The following NCOA1 variants were observed in gnomAD, a reference collection of about 807,000 sequenced individuals.
NCOA1 encodes Hin-2 protein.
In NCOA1, 35 loss-of-function variants were observed where a neutral mutation model predicts 150.9. That is an observed-to-expected ratio of 0.23 (90% CI 0.18 to 0.31). The LOEUF (loss-of-function observed/expected upper bound fraction) is 0.31, where lower values mean the gene tolerates loss of function less well. Ranked by LOEUF, NCOA1 falls within the 10% of genes least tolerant of loss-of-function variation. The probability of loss-of-function intolerance (pLI) is 1.00; values close to 1 mark genes in which losing one functional copy is unlikely to be tolerated. For synonymous variants in NCOA1, 590 were observed against 630.0 expected (o/e 0.94, Z 0.95); for missense variants, 1,491 against 1,749.3 (o/e 0.85, Z 2.63).
chr2:24,715,869 G>A (rs143116688), intron 14 of NCOA1, among the ~76,000 whole-genome samples: 2,115 of 152,232 alleles, frequency 0.014, 49 homozygotes, highest in African/African-American at 0.049. Flanking sequence ...GCGGCCGGGC[G>A]CAGTGGCTCA....
chr2:24,705,887 G>A (rs988769487), intron 12 of NCOA1, among the ~76,000 whole-genome samples: 24 of 152,070 alleles, frequency 1.6e-4, no homozygotes, highest in African/African-American at 5.3e-4. Flanking sequence ...CAAATCTGTT[G>A]TCATAATTAT....
intron 3 of NCOA1, among the ~76,000 whole-genome samples, chr2:24,596,764 G>A (rs1475386139): frequency 6.6e-6 from 1 of 151,962 alleles, no homozygotes. Flanking sequence ...CAAAATAAAG[G>A]TTTTATGATT....
intron 5 of NCOA1, among the ~76,000 whole-genome samples, chr2:24,665,442 T>C (rs1671378058): frequency 6.6e-6 from 1 of 152,260 alleles, no homozygotes; most frequent in Non-Finnish European, 1.5e-5. Flanking sequence ...CTGCTGTGTT[T>C]ATTACTTGTT....
chr2:24,733,075 G>C (rs1242930694), intron 17 of NCOA1, among the ~76,000 whole-genome samples: 1 of 152,186 alleles, frequency 6.6e-6, no homozygotes, highest in Non-Finnish European at 1.5e-5. Context: ...ATTTGGGATG[G>C]TCAGCTGAAC....
At chr2:24,506,869 T>G (rs1332292114) in intron 1 of NCOA1, among the ~76,000 whole-genome samples, 2 of 152,222 alleles carry the variant, frequency 1.3e-5, no homozygotes, top group Non-Finnish European at 2.9e-5. Context: ...AGAGAGTATG[T>G]TGATTGCATT....
intron 19 of NCOA1, among the ~76,000 whole-genome samples, chr2:24,747,410 G>A (rs1286222869): frequency 6.9e-6 from 1 of 145,526 alleles, no homozygotes; most frequent in Non-Finnish European, 1.5e-5. Context: ...GCTCACTGCA[G>A]TGTCCAACTC....
chr2:24,581,561 G>A (rs1667195866), intron 2 of NCOA1, among the ~76,000 whole-genome samples: 1 of 152,182 alleles, frequency 6.6e-6, no homozygotes. Flanking sequence ...GAGAGAACAG[G>A]ATTTTGTTTT....
At position 24,707,359 on chromosome 2, in the gene NCOA1, G is replaced by A; in HGVS notation, c.1889G>A (p.Ser630Asn). 6.2e-7 allele frequency: 1 copy of A among 1,614,178 alleles called. No homozygotes were observed. Among genetic ancestry groups the A allele is most frequent in the Middle Eastern group, 1.6e-4 (1 of 6,062 alleles). Residue 630 changes from serine (S) to asparagine (N), a missense_variant, in exon 13 of 23, where the codon AGT becomes AAT. Around this residue, in one of 8 missense-constraint regions of NCOA1, gnomAD observed 703 missense variants for 717.7 expected, o/e 0.98. Coordinates refer to ENST00000348332, the MANE Select transcript of NCOA1 (RefSeq NM_003743.5). ...GGAGACAGTAAATACTCTCAAACCA[G>A]TCACAAACTAGTGCAGCTTTTGACA... ...SDGDSKYSQT[S>N]HKLVQLLTTT...
At position 24,491,356 on chromosome 2, in the gene NCOA1, G is replaced by C. The variant is rs911706123; in HGVS notation, c.-642G>C. Among the ~76,000 whole-genome samples the C allele has an allele frequency of 4.7e-5, 7 of 148,122 alleles. No individual in the cohort carries two copies. Among genetic ancestry groups the C allele is most frequent in the Admixed American group, 1.3e-4 (2 of 14,890 alleles). ...GCGGGAGTCTGACGCGATTTGCTGA[G>C]CTCTGTCCTCCGACGGCTGCCTCGC... is the stretch of plus-strand genomic sequence containing the variant. On this transcript the variant is annotated 5_prime_UTR_variant, in exon 1 of 23. Coordinates refer to ENST00000348332, the MANE Select transcript of NCOA1 (RefSeq NM_003743.5).
At chr2:24,746,077 G>C (rs1259050281) in intron 19 of NCOA1, among the ~76,000 whole-genome samples, 1 of 152,206 alleles carries the variant, frequency 6.6e-6, no homozygotes, top group East Asian at 1.9e-4. Context: ...TGAGCAGAGT[G>C]TGACCTTTTT....
intron 5 of NCOA1, among the ~76,000 whole-genome samples, chr2:24,661,832 C>T (rs1018313817): frequency 6.6e-6 from 1 of 152,104 alleles, no homozygotes; most frequent in African/African-American, 2.4e-5. Context: ...TCTTCAGATC[C>T]ATCCATTGTG....
intron 1 of NCOA1, among the ~76,000 whole-genome samples, 57 bp downstream of exon 1, chr2:24,491,659 C>T (rs911758206): frequency 2.1e-4 from 31 of 150,086 alleles, no homozygotes; most frequent in African/African-American, 7.6e-4. Flanking sequence ...TCACGAGCCG[C>T]GCGGCCGCGG....
intron 1 of NCOA1, among the ~76,000 whole-genome samples, chr2:24,537,413 T>C (rs1199865037): frequency 6.6e-6 from 1 of 151,780 alleles, no homozygotes; most frequent in African/African-American, 2.4e-5. Context: ...TGTGGGAGAT[T>C]ATATATATAT....
chr2:24,522,713 G>A (rs965242107), intron 1 of NCOA1, among the ~76,000 whole-genome samples: 13 of 152,022 alleles, frequency 8.6e-5, no homozygotes, highest in African/African-American at 3.1e-4. Context: ...GATTGGAAGG[G>A]GGCTAAAGAT....
intron 13 of NCOA1, among the ~76,000 whole-genome samples, chr2:24,709,445 T>G (rs1234541233): frequency 6.6e-6 from 1 of 152,244 alleles, no homozygotes; most frequent in Non-Finnish European, 1.5e-5. Context: ...AAATATTCAT[T>G]GGTCATTTGG....
intron 14 of NCOA1, among the ~76,000 whole-genome samples, chr2:24,720,652 A>T (rs1401033009): frequency 6.6e-6 from 1 of 152,218 alleles, no homozygotes; most frequent in East Asian, 1.9e-4. Context: ...AGAGACCATA[A>T]GGCTAAGGAA....
intron 7 of NCOA1, 112 bp downstream of exon 7, chr2:24,673,575 G>A: frequency 1.7e-6 from 1 of 593,222 alleles, no homozygotes; most frequent in South Asian, 2.5e-5. Context: ...ACAAAGTAAA[G>A]AACTTTTTAT....
At chr2:24,712,772 A>G (rs755975513) in intron 14 of NCOA1, among the ~76,000 whole-genome samples, 1 of 152,126 alleles carries the variant, frequency 6.6e-6, no homozygotes, top group Admixed American at 6.6e-5. Context: ...CTTGGAAATT[A>G]GGTATCCAAC....
chr2:24,760,839 C>T (rs963983762), intron 21 of NCOA1, among the ~76,000 whole-genome samples: 3 of 151,492 alleles, frequency 2.0e-5, no homozygotes, highest in African/African-American at 7.3e-5. Flanking sequence ...TTTTTGTTGT[C>T]GTTTTTTGTT....
Sources: gnomAD v4.1 joint callset for allele counts (sites outside exome capture counted in the v4.1 genomes callset) on GRCh38, gnomAD v4.1.1 for gene constraint, gnomAD v4.1.1 regional missense constraint, MANE v1.5 for transcripts, NCBI Gene and HGNC (gene_info 2026-07-23, HGNC 2026-07-21) for gene names.